The following PCDHA9 variants were observed in gnomAD, a reference collection of about 807,000 sequenced individuals.
PCDHA9 encodes protocadherin alpha 9.
A neutral mutation model predicts 62.0 loss-of-function variants in PCDHA9; 62 were observed. The observed-to-expected ratio is 1.00, with a 90% CI of 0.81 to 1.23. The LOEUF is 1.23. Ranked by LOEUF, PCDHA9 falls within the 50% of genes most tolerant of loss-of-function variation. The pLI, the probability that PCDHA9 is intolerant of heterozygous loss-of-function variation, is 0.00. For synonymous variants in PCDHA9, 557 were observed against 567.6 expected (o/e 0.98, Z 0.27); for missense variants, 1,205 against 1,249.8 (o/e 0.96, Z 0.54).
chr5:141,005,417 T>G (rs1323051159), intron 3 of PCDHA9, among the ~76,000 whole-genome samples: 2 of 152,062 alleles, frequency 1.3e-5, no homozygotes, highest in African/African-American at 4.8e-5. Context: ...TGAGGAGTCA[T>G]GCTAAGAATG....
In PCDHA9 at chr5:140,849,310, G is replaced by A. The variant is rs2150434559; in HGVS notation, c.815G>A (p.Gly272Asp). ...IHPNASDLDE[G>D]LNGDIIYSFS... ...CCCAATGCCTCAGATTTAGACGAAG[G>A]CTTGAATGGGGATATTATTTACTCC... The change falls in exon 1 of 4, where the codon GGC becomes GAC. Residue 272 changes from glycine to aspartate, a missense_variant. Physicochemically the swap from Gly to Asp is moderately conservative, Grantham distance 94. Transcript: ENST00000532602. 3.1e-6 allele frequency: 4 copies of A among 1,307,514 alleles called. No homozygotes were observed. The highest frequency in any genetic ancestry group is 1.7e-5 in the African/African-American group (1 of 58,270). 81.0% of individuals were successfully genotyped at this position (1,307,514 alleles called of 1,614,324 possible). A position where few individuals can be genotyped will look rare whatever the true frequency, so the allele number is the denominator to read the frequency against.
At chr5:140,935,673 A>T (rs1462991962) in intron 1 of PCDHA9, among the ~76,000 whole-genome samples, 1 of 152,180 alleles carries the variant, frequency 6.6e-6, no homozygotes, top group Non-Finnish European at 1.5e-5. Flanking sequence ...AATTATGTGA[A>T]ATATTTACAT....
intron 1 of PCDHA9, chr5:140,867,745 A>G (rs1342140044): frequency 6.6e-6 from 1 of 152,108 alleles, no homozygotes. Flanking sequence ...CAAGCAAGTT[A>G]CAACTTCAGG....
At chr5:140,864,420 G>T (rs1430010861) in intron 1 of PCDHA9, 1 of 152,158 alleles carries the variant, frequency 6.6e-6, no homozygotes, top group African/African-American at 2.4e-5. Context: ...AGGCAGCTTC[G>T]TCCACAAACA....
chr5:140,853,855 T>A, intron 1 of PCDHA9: 1 of 985,872 alleles, frequency 1.0e-6, no homozygotes, highest in Non-Finnish European at 1.2e-6. Flanking sequence ...TAGCCCTATT[T>A]GATACTTGAC....
chr5:140,903,823 G>A (rs1303323584), intron 1 of PCDHA9, among the ~76,000 whole-genome samples: 1 of 152,048 alleles, frequency 6.6e-6, no homozygotes, highest in Non-Finnish European at 1.5e-5. Flanking sequence ...TCACATGAAT[G>A]TCTGTTGGTA....
chr5:140,850,652 T>C lies in PCDHA9; in HGVS notation c.2157T>C (p.Thr719=), dbSNP rs2150492321. 4 of 1,598,476 alleles carry C rather than the reference T, an allele frequency of 2.5e-6. No homozygotes were observed. In the South Asian group the frequency reaches 3.3e-5, roughly 13 times the overall value. The change falls in exon 1 of 4, where the codon ACT becomes ACC. Residue 719 remains threonine, a synonymous_variant. Coordinates refer to ENST00000532602, the MANE Select transcript of PCDHA9 (RefSeq NM_031857.2). ...SLLVLTLLLY[T]VLRCSAMPTE... ...TGGTTCTCACGCTGCTGCTGTACAC[T>C]GTGCTGCGGTGCTCGGCGATGCCCA...
chr5:140,899,468 G>A (rs1243330987), intron 1 of PCDHA9, among the ~76,000 whole-genome samples: 131 of 152,196 alleles, frequency 8.6e-4, no homozygotes, highest in Admixed American at 2.5e-3. Context: ...TTTGTCTTTG[G>A]TTCTGTTTAT....
At chr5:140,989,620 C>T (rs1197614071) in intron 3 of PCDHA9, among the ~76,000 whole-genome samples, 1 of 152,168 alleles carries the variant, frequency 6.6e-6, no homozygotes, top group African/African-American at 2.4e-5. Context: ...GAAAGTCTGT[C>T]CTAGTGACAG....
chr5:140,872,828 A>G (rs1393520150), intron 1 of PCDHA9, among the ~76,000 whole-genome samples: 2 of 152,234 alleles, frequency 1.3e-5, no homozygotes, highest in African/African-American at 4.8e-5. Flanking sequence ...CATCTAGCAG[A>G]GAAAAAATTA....
At chr5:140,868,826 G>A in intron 1 of PCDHA9, 1 of 406,060 alleles carries the variant, frequency 2.5e-6, no homozygotes, top group Non-Finnish European at 4.3e-6. Flanking sequence ...TTTGGGGGAA[G>A]AAACCCAAAA....
intron 1 of PCDHA9, chr5:140,870,529 G>A (rs2052113654): frequency 6.2e-7 from 1 of 1,614,096 alleles, no homozygotes. Context: ...CATCTTCACA[G>A]TGTCGGCGCG....
rs535622037 is a variant in PCDHA9 at position 140,926,265 on chromosome 5, G to T, written c.2395-52684G>T. The T allele has an allele frequency of 8.1e-3, 1,228 of 152,360 alleles. 6 individuals carry two copies. The highest frequency in any genetic ancestry group is 0.019 in the African/African-American group (792 of 41,548). 9.4% of individuals were successfully genotyped at this position (152,360 alleles called of 1,614,324 possible). ...CACGTTCACCGTCCCGCCTCTCGCC[G>T]CCTCCGCTCGGCAGCTCCACGCTGA... is the stretch of plus-strand genomic sequence containing the variant. On this transcript the variant is annotated intron_variant, in intron 1 of 3. Transcript: ENST00000532602.
intron 1 of PCDHA9, among the ~76,000 whole-genome samples, chr5:140,961,185 G>T (rs2095595656): frequency 6.6e-6 from 1 of 152,100 alleles, no homozygotes; most frequent in Non-Finnish European, 1.5e-5. Context: ...ACTCCTCACA[G>T]GACCCTAGTG....
intron 1 of PCDHA9, chr5:140,967,430 T>C (rs1554229552): frequency 1.2e-6 from 2 of 1,613,482 alleles, no homozygotes; most frequent in East Asian, 4.5e-5. Context: ...GCAGGCAGCC[T>C]TGCACCACCT....
chr5:140,915,008 T>C (rs1201776517), intron 1 of PCDHA9, among the ~76,000 whole-genome samples: 1 of 150,866 alleles, frequency 6.6e-6, no homozygotes, highest in Non-Finnish European at 1.5e-5. Context: ...TGCAGTGGCC[T>C]GATCTTGGCT....
At chr5:140,935,291 C>T (rs1221872941) in intron 1 of PCDHA9, among the ~76,000 whole-genome samples, 4 of 152,100 alleles carry the variant, frequency 2.6e-5, no homozygotes, top group East Asian at 1.9e-4. Context: ...TTCAGCACTC[C>T]GAGGTTTTTA....
intron 3 of PCDHA9, among the ~76,000 whole-genome samples, chr5:141,000,961 C>A (rs1207814885): frequency 6.6e-6 from 1 of 151,948 alleles, no homozygotes; most frequent in Non-Finnish European, 1.5e-5. Flanking sequence ...GTAATTTAAG[C>A]CTTCATATTC....
intron 1 of PCDHA9, among the ~76,000 whole-genome samples, chr5:140,885,298 G>C (rs1328478663): frequency 6.6e-6 from 1 of 152,040 alleles, no homozygotes; most frequent in East Asian, 1.9e-4. Flanking sequence ...AGAGAGACCT[G>C]GTAGGCTTTT....
Sources: allele counts gnomAD v4.1 joint callset (sites outside exome capture counted in the v4.1 genomes callset), GRCh38; gene constraint gnomAD v4.1.1; transcripts MANE v1.5; gene names NCBI Gene and HGNC (gene_info 2026-07-23, HGNC 2026-07-21).